The following GRIA1 variants were observed in gnomAD, a reference collection of about 807,000 sequenced individuals.
The protein encoded by GRIA1 is glutamate receptor 1.
A neutral mutation model predicts 99.2 loss-of-function variants in GRIA1; 31 were observed. That is an observed-to-expected ratio of 0.31 (90% CI 0.23 to 0.42). The LOEUF (loss-of-function observed/expected upper bound fraction) is 0.42, where lower values mean the gene tolerates loss of function less well. Among genes scored for constraint, GRIA1 ranks in the 10% least tolerant of loss-of-function variants. The probability of loss-of-function intolerance (pLI) is 1.00; values close to 1 mark genes in which losing one functional copy is unlikely to be tolerated. For missense variants in GRIA1, 782 were observed against 1,157.5 expected (o/e 0.68, Z 4.71); for synonymous variants, 438 against 432.4 (o/e 1.01, Z -0.16).
At chr5:153,501,696 G>T (rs1239079762) in intron 2 of GRIA1, among the ~76,000 whole-genome samples, 1 of 152,182 alleles carries the variant, frequency 6.6e-6, no homozygotes, top group East Asian at 1.9e-4. Flanking sequence ...TCCATCTCCA[G>T]TTTGGGATGG....
intron 2 of GRIA1, among the ~76,000 whole-genome samples, chr5:153,604,497 T>C (rs985668784): frequency 2.0e-5 from 3 of 152,226 alleles, no homozygotes; most frequent in Non-Finnish European, 4.4e-5. Flanking sequence ...CAAAACTATA[T>C]AGCACACTGT....
At chr5:153,801,783 A>G (rs1040823783) in intron 14 of GRIA1, among the ~76,000 whole-genome samples, 4 of 152,158 alleles carry the variant, frequency 2.6e-5, no homozygotes, top group African/African-American at 9.7e-5. Flanking sequence ...GTAAGTTAAC[A>G]TATATATCAG....
intron 7 of GRIA1, among the ~76,000 whole-genome samples, chr5:153,679,627 C>T (rs1404128559): frequency 6.6e-6 from 1 of 152,240 alleles, no homozygotes; most frequent in Non-Finnish European, 1.5e-5. Context: ...CAGGACTACT[C>T]TTCAGCAATG....
chr5:153,626,728 C>A (rs969172635), intron 2 of GRIA1, among the ~76,000 whole-genome samples: 1 of 152,066 alleles, frequency 6.6e-6, no homozygotes. Flanking sequence ...GATGTATTAT[C>A]ATCATCTTAT....
At chr5:153,805,548 C>T (rs758719869) in intron 15 of GRIA1, among the ~76,000 whole-genome samples, 25 of 152,090 alleles carry the variant, frequency 1.6e-4, no homozygotes, top group Non-Finnish European at 2.8e-4. Context: ...TGAACTATGA[C>T]GAGACCAGTC....
chr5:153,636,123 A>G (rs1032362388), intron 2 of GRIA1, among the ~76,000 whole-genome samples: 5 of 152,158 alleles, frequency 3.3e-5, no homozygotes, highest in Non-Finnish European at 7.3e-5. Flanking sequence ...CAGAGTCACC[A>G]TGAAAGAACC....
intron 2 of GRIA1, among the ~76,000 whole-genome samples, chr5:153,541,314 C>G (rs1413854154): frequency 6.6e-6 from 1 of 152,108 alleles, no homozygotes. Context: ...TGTTCTCATT[C>G]CCAAGATTAA....
At position 153,615,652 on chromosome 5, in the gene GRIA1, T is replaced by C. The variant is rs370357976; in HGVS notation, c.221-31276T>C. Among the ~76,000 whole-genome samples the C allele has an allele frequency of 5.6e-4, 86 of 152,222 alleles. 1 individual carries two copies. Among genetic ancestry groups the C allele is most frequent in the African/African-American group, 2.0e-3 (84 of 41,528 alleles). ...AAGCAAGATCCTGCCTATTAAAAAT[T>C]GTTGATAAAATAAAAAATAAAAGTA... is the stretch of plus-strand genomic sequence containing the variant. On this transcript the variant is annotated intron_variant, in intron 2 of 15. Coordinates refer to ENST00000285900, the MANE Select transcript of GRIA1 (RefSeq NM_000827.4).
chr5:153,579,566 T>A (rs1203809428), intron 2 of GRIA1, among the ~76,000 whole-genome samples: 1 of 152,174 alleles, frequency 6.6e-6, no homozygotes, highest in Non-Finnish European at 1.5e-5. Context: ...ATACTGACAA[T>A]GATGATAATT....
At chr5:153,595,072 G>T (rs1472229867) in intron 2 of GRIA1, among the ~76,000 whole-genome samples, 1 of 151,872 alleles carries the variant, frequency 6.6e-6, no homozygotes. Flanking sequence ...TTCAGATGTT[G>T]TACTTCCTTT....
At chr5:153,735,419 G>T (rs1761315845) in intron 11 of GRIA1, among the ~76,000 whole-genome samples, 1 of 152,156 alleles carries the variant, frequency 6.6e-6, no homozygotes, top group Non-Finnish European at 1.5e-5. Context: ...CTGACTGGGG[G>T]TCGCATACAC....
intron 2 of GRIA1, among the ~76,000 whole-genome samples, chr5:153,590,506 ATGTGTGTGTGTG>A (rs5872325): frequency 0.042 from 6,149 of 147,880 alleles, 248 homozygotes; most frequent in East Asian, 0.16. Flanking sequence ...AGCTATTGAA[ATGTGTGTGTGTG>A]TGTGTGTGTG....
intron 2 of GRIA1, among the ~76,000 whole-genome samples, chr5:153,549,200 A>C (rs1157560545): frequency 6.6e-6 from 1 of 152,206 alleles, no homozygotes; most frequent in Non-Finnish European, 1.5e-5. Context: ...GATGGTACAC[A>C]TTAATGATCC....
chr5:153,745,886 G>GTCA (rs1762126152), intron 11 of GRIA1, among the ~76,000 whole-genome samples: 1 of 151,986 alleles, frequency 6.6e-6, no homozygotes, highest in Non-Finnish European at 1.5e-5. Flanking sequence ...TTTTTCCCAT[G>GTCA]TCATCTTTCA....
intron 2 of GRIA1, among the ~76,000 whole-genome samples, chr5:153,527,105 A>T (rs1757668275): frequency 6.6e-6 from 1 of 152,200 alleles, no homozygotes; most frequent in South Asian, 2.1e-4. Context: ...CCAGTGCCAT[A>T]TGCCTTCGTG....
At position 153,674,485 on chromosome 5, in the gene GRIA1, C is replaced by T. The variant is rs776754426; in HGVS notation, c.700-15C>T. On this transcript the variant is annotated splice_polypyrimidine_tract_variant and intron_variant, in intron 5 of 15. Transcript: ENST00000285900. ...GGCAGCATGTTCTAACTTCTCCCTCCTCCCCCTCTCACAGGGCTTCATGGA... is the reference window on the plus strand; with the variant it reads ...GGCAGCATGTTCTAACTTCTCCCTCTTCCCCCTCTCACAGGGCTTCATGGA... 9 of 1,613,896 alleles carry T rather than the reference C, an allele frequency of 5.6e-6. No homozygotes were observed. Among genetic ancestry groups the T allele is most frequent in the South Asian group, 2.2e-5 (2 of 91,042 alleles).
chr5:153,686,696 G>T (rs1757363011), intron 8 of GRIA1, among the ~76,000 whole-genome samples: 1 of 152,188 alleles, frequency 6.6e-6, no homozygotes, highest in Non-Finnish European at 1.5e-5. Flanking sequence ...GATGATTATT[G>T]ATGAGGTTAA....
At chr5:153,549,359 G>A (rs1312289024) in intron 2 of GRIA1, among the ~76,000 whole-genome samples, 4 of 152,108 alleles carry the variant, frequency 2.6e-5, no homozygotes, top group Non-Finnish European at 5.9e-5. Context: ...CCACCTCCAA[G>A]AGCAGAAGCA....
intron 11 of GRIA1, among the ~76,000 whole-genome samples, chr5:153,707,505 T>C (rs1317010282): frequency 6.6e-6 from 1 of 152,190 alleles, no homozygotes; most frequent in African/African-American, 2.4e-5. Context: ...CTATGAACTC[T>C]TTTTCCAGTA....
Sources: gnomAD v4.1 joint callset for allele counts (sites outside exome capture counted in the v4.1 genomes callset) on GRCh38, gnomAD v4.1.1 for gene constraint, MANE v1.5 for transcripts, NCBI Gene and HGNC (gene_info 2026-07-23, HGNC 2026-07-21) for gene names.